Variants in SLAMF9 observed in about 807,000 individuals in gnomAD.
The protein encoded by SLAMF9 is SLAM family member 9.
SLAMF9 carries 25 observed loss-of-function variants against 30.4 expected under a neutral mutation model. That is an observed-to-expected ratio of 0.82 (90% CI 0.60 to 1.15). The LOEUF (loss-of-function observed/expected upper bound fraction) is 1.15. Ranked by LOEUF, SLAMF9 falls within the 50% of genes most tolerant of loss-of-function variation. The pLI, the probability that SLAMF9 is intolerant of heterozygous loss-of-function variation, is 0.00. For synonymous variants in SLAMF9, 129 were observed against 127.2 expected, an observed-to-expected ratio of 1.01 and a Z score of -0.09; for missense variants, 344 against 346.1, an observed-to-expected ratio of 0.99 and a Z score of 0.05.
intron 3 of SLAMF9, 123 bp from the exon 4 acceptor site, chr1:159,951,989 A>T (rs986628391): frequency 1.2e-6 from 1 of 808,728 alleles, no homozygotes; most frequent in Admixed American, 2.7e-5. Flanking sequence ...GTCCCCTTGC[A>T]AGTGTCTCTG....
At chr1:159,960,801 C>T in the SLAMF9 span, among the ~76,000 whole-genome samples, 4 of 152,164 alleles carry the variant, frequency 2.6e-5, no homozygotes, top group African/African-American at 9.7e-5. Flanking sequence ...AGCCAAGCAA[C>T]TGGGAAGTAT....
At chr1:159,973,707 C>A in the SLAMF9 span, 11 of 1,231,458 alleles carry the variant, frequency 8.9e-6, no homozygotes, top group Admixed American at 1.8e-5. Flanking sequence ...CAGCCAGAGA[C>A]AGGGGTCCTG....
At chr1:159,965,140 T>C in the SLAMF9 span, among the ~76,000 whole-genome samples, 1 of 152,238 alleles carries the variant, frequency 6.6e-6, no homozygotes, top group African/African-American at 2.4e-5. Flanking sequence ...CTGTTCTAGG[T>C]GTGGGACACA....
upstream of SLAMF9, among the ~76,000 whole-genome samples, chr1:159,956,396 G>A (rs1319710197): frequency 1.3e-5 from 2 of 152,052 alleles, no homozygotes; most frequent in Non-Finnish European, 2.9e-5. Context: ...TTGAGCCCGG[G>A]AGTTTGAGGG....
chr1:159,962,185 C>T, the SLAMF9 span, among the ~76,000 whole-genome samples: 12 of 151,402 alleles, frequency 7.9e-5, 1 homozygote, highest in East Asian at 2.3e-3. Context: ...CCTTTGACGG[C>T]AAGGGGAACA....
chr1:159,956,983 G>A (rs185347734), upstream of SLAMF9, among the ~76,000 whole-genome samples: 11 of 151,952 alleles, frequency 7.2e-5, no homozygotes, highest in East Asian at 5.9e-4. Flanking sequence ...TTAGCCGGGC[G>A]TGGTGGCGGG....
upstream of SLAMF9, among the ~76,000 whole-genome samples, chr1:159,954,751 C>T (rs1651886242): frequency 2.0e-5 from 3 of 152,052 alleles, no homozygotes; most frequent in South Asian, 4.2e-4. Flanking sequence ...AGAGGCTATT[C>T]GCAGGGGAAA....
At chr1:159,952,005 A>G in intron 3 of SLAMF9, 139 bp from the exon 4 acceptor site, 4 of 755,566 alleles carry the variant, frequency 5.3e-6, no homozygotes. Context: ...CTCTGGAAAT[A>G]TATTCTATGC....
chr1:159,954,082 C>T lies in SLAMF9; in HGVS notation c.46+10G>A. 6.2e-7 allele frequency: 1 copy of T among 1,613,964 alleles called. No individual in the cohort carries two copies. The highest frequency in any genetic ancestry group is 1.1e-5 in the South Asian group (1 of 91,072). On this transcript the variant is annotated intron_variant, in intron 1 of 3. Transcript: ENST00000368093. Reference sequence around the variant, plus strand: ...GACATTCCTGTGCACGAGCTGGCAGCTTCACTCACCCTCCTGGAGCAGCAG... The same window carrying T: ...GACATTCCTGTGCACGAGCTGGCAGTTTCACTCACCCTCCTGGAGCAGCAG...
the SLAMF9 span, among the ~76,000 whole-genome samples, chr1:159,982,725 T>C: frequency 3.9e-5 from 6 of 152,252 alleles, no homozygotes; most frequent in South Asian, 1.0e-3. Context: ...TACACACACA[T>C]GTGTGTAGGA....
the SLAMF9 span, chr1:159,973,128 T>C: frequency 6.5e-7 from 1 of 1,537,560 alleles, no homozygotes; most frequent in Non-Finnish European, 8.9e-7. Flanking sequence ...GGGGCCCCTG[T>C]CCTGCAAGGT....
chr1:159,973,930 T>C, the SLAMF9 span: 8 of 1,612,244 alleles, frequency 5.0e-6, no homozygotes, highest in East Asian at 1.8e-4. Context: ...TGGTTTTCCT[T>C]AGAGAAATGA....
chr1:159,961,067 A>G, the SLAMF9 span, among the ~76,000 whole-genome samples: 1 of 152,044 alleles, frequency 6.6e-6, no homozygotes, highest in Admixed American at 6.6e-5. Context: ...CCTCCACCCA[A>G]GTTTTTATCT....
the SLAMF9 span, among the ~76,000 whole-genome samples, chr1:159,982,743 C>T: frequency 2.5e-4 from 38 of 152,218 alleles, no homozygotes; most frequent in African/African-American, 4.3e-4. Flanking sequence ...GGAAACATAA[C>T]GACATGGCTG....
At chr1:159,959,863 C>T in the SLAMF9 span, among the ~76,000 whole-genome samples, 1 of 152,074 alleles carries the variant, frequency 6.6e-6, no homozygotes, top group Non-Finnish European at 1.5e-5. Flanking sequence ...GCAGATCTCC[C>T]TCACATTGCC....
the SLAMF9 span, chr1:159,973,307 AGGAGGGGAGTCCT>A: frequency 1.6e-6 from 1 of 635,192 alleles, no homozygotes; most frequent in Non-Finnish European, 2.8e-6. Context: ...CCCAGGGCTC[AGGAGGGGAGTCCT>A]GGATGATAAA....
At chr1:159,965,415 G>C in the SLAMF9 span, 1 of 152,206 alleles carries the variant, frequency 6.6e-6, no homozygotes, top group Admixed American at 6.5e-5. Context: ...TCAACAGAAG[G>C]CTGCCTAGGG....
chr1:159,962,369 G>A, the SLAMF9 span, among the ~76,000 whole-genome samples: 2 of 152,140 alleles, frequency 1.3e-5, no homozygotes, highest in Non-Finnish European at 2.9e-5. Context: ...TTGGCCCGGG[G>A]CGGCGGTTCA....
the SLAMF9 span, among the ~76,000 whole-genome samples, chr1:159,967,469 TG>T: frequency 2.0e-5 from 3 of 152,246 alleles, no homozygotes; most frequent in Admixed American, 2.0e-4. Context: ...CATTGGTTGA[TG>T]GATCTGTTTT....
Sources: gnomAD v4.1 joint callset for allele counts (sites outside exome capture counted in the v4.1 genomes callset) on GRCh38, gnomAD v4.1.1 for gene constraint, MANE v1.5 for transcripts, NCBI Gene and HGNC (gene_info 2026-07-23, HGNC 2026-07-21) for gene names.